The following TAMM41 variants were observed in gnomAD, a reference collection of about 807,000 sequenced individuals.
TAMM41 encodes the protein TAM41 mitochondrial translocator assembly and maintenance homolog.
Under a neutral mutation model 44.1 loss-of-function variants are expected in TAMM41, and 36 were observed. That is an observed-to-expected ratio of 0.82 (90% CI 0.63 to 1.08). The LOEUF (loss-of-function observed/expected upper bound fraction) is 1.08. TAMM41 is among the 50% of genes least tolerant of loss of function. The pLI is 0.00. For missense variants in TAMM41, 417 were observed against 404.3 expected (o/e 1.03, Z -0.27); for synonymous variants, 164 against 153.1 (o/e 1.07, Z -0.53).
rs929267149 is a variant in TAMM41, at chr3:11,801,201, G to A, written c.937+6632C>T. Among the ~76,000 whole-genome samples, 5 of 151,640 alleles carry A rather than the reference G, an allele frequency of 3.3e-5. No homozygotes were observed. In the East Asian group the frequency reaches 9.6e-4, roughly 29 times the overall value. Reference sequence around the variant, plus strand: ...ACAAATTTTAAAAAATCAAAATCAAGTATCTTCTCAGACAATAGTAGAATA... The same window carrying A: ...ACAAATTTTAAAAAATCAAAATCAAATATCTTCTCAGACAATAGTAGAATA... On this transcript the variant is annotated intron_variant, in intron 7 of 7. Transcript: ENST00000455809.
intron 7 of TAMM41, among the ~76,000 whole-genome samples, chr3:11,800,404 G>A (rs762491517): frequency 9.9e-5 from 15 of 151,916 alleles, no homozygotes; most frequent in Admixed American, 9.8e-4. Context: ...CCACCTATAT[G>A]CTACCTACAA....
chr3:11,725,379 TCC>T, the TAMM41 span, among the ~76,000 whole-genome samples: 1,796 of 143,398 alleles, frequency 0.013, 25 homozygotes, highest in Non-Finnish European at 0.017. Flanking sequence ...CTCCTCCTCT[TCC>T]TCCTCCTTCT....
chr3:11,809,851 G>A (rs1388456425), intron 5 of TAMM41, 169 bp from the exon 6 acceptor site: 2 of 607,522 alleles, frequency 3.3e-6, no homozygotes, highest in Non-Finnish European at 5.6e-6. Flanking sequence ...ATGGGTAAGT[G>A]TTCAGGAGTC....
chr3:11,840,973 TACTG>T (rs1000544445), intron 2 of TAMM41, among the ~76,000 whole-genome samples: 20 of 152,106 alleles, frequency 1.3e-4, no homozygotes, highest in East Asian at 3.9e-4. Flanking sequence ...TCTCTTTTGC[TACTG>T]ACTATTTCAA....
At chr3:11,757,935 C>T in the TAMM41 span, among the ~76,000 whole-genome samples, 3 of 152,132 alleles carry the variant, frequency 2.0e-5, no homozygotes, top group Non-Finnish European at 4.4e-5. Flanking sequence ...GGTAGGGGGA[C>T]ACTGAAGAAA....
chr3:11,790,650 C>T (rs1322929328), intron 7 of TAMM41, 69 bp from the exon 8 acceptor site: 2 of 1,362,236 alleles, frequency 1.5e-6, no homozygotes, highest in African/African-American at 2.9e-5. Context: ...GTTTCAGTGA[C>T]ATTCTGAGCA....
intron 3 of TAMM41, chr3:11,830,898 A>G (rs2125034508): frequency 6.7e-6 from 1 of 148,982 alleles, no homozygotes; most frequent in Non-Finnish European, 1.5e-5. Flanking sequence ...AAAAAAAAAT[A>G]CTAAGAGCTT....
chr3:11,789,076 T>C (rs746233404), downstream of TAMM41, among the ~76,000 whole-genome samples: 14 of 152,184 alleles, frequency 9.2e-5, no homozygotes, highest in Non-Finnish European at 1.9e-4. Context: ...ACCCTAGGTG[T>C]TCTACAGGGG....
At chr3:11,832,478 G>C (rs370393583) in intron 3 of TAMM41, among the ~76,000 whole-genome samples, 25 of 152,284 alleles carry the variant, frequency 1.6e-4, no homozygotes, top group African/African-American at 6.0e-4. Context: ...TTTTATATCA[G>C]AGACGTGAAT....
chr3:11,817,349 A>G lies in TAMM41; in HGVS notation c.563-12T>C, dbSNP rs1395952237. The G allele has an allele frequency of 6.2e-7, 1 of 1,602,984 alleles. No individual in the cohort carries two copies. The highest frequency in any genetic ancestry group is 1.3e-5 in the African/African-American group (1 of 74,756). ...CATCCGAAAGTCACCTAGTTAAAAC[A>G]AAGAGATAAACACATCTTCCATTAA... is the stretch of plus-strand genomic sequence containing the variant. On this transcript the variant is annotated splice_polypyrimidine_tract_variant and intron_variant, in intron 4 of 7. Transcript: ENST00000455809.
At chr3:11,771,676 A>G in the TAMM41 span, among the ~76,000 whole-genome samples, 1 of 151,280 alleles carries the variant, frequency 6.6e-6, no homozygotes, top group Non-Finnish European at 1.5e-5. Flanking sequence ...TCCGCCTCCC[A>G]GGTTCAAGCG....
intron 4 of TAMM41, among the ~76,000 whole-genome samples, chr3:11,826,434 T>G (rs1041060210): frequency 7.3e-6 from 1 of 136,634 alleles, no homozygotes; most frequent in Non-Finnish European, 1.5e-5. Context: ...GAGTCTGAGG[T>G]GGGAGGGTTG....
the TAMM41 span, among the ~76,000 whole-genome samples, chr3:11,749,985 C>A: frequency 1.3e-5 from 2 of 151,534 alleles, no homozygotes; most frequent in Non-Finnish European, 2.9e-5. Flanking sequence ...GCAAGCTCCA[C>A]CTCCCGGTTC....
the TAMM41 span, among the ~76,000 whole-genome samples, chr3:11,735,079 C>T: frequency 6.7e-6 from 1 of 149,120 alleles, no homozygotes; most frequent in South Asian, 2.1e-4. Context: ...GCAAATGTGA[C>T]TCAGGCATGG....
At chr3:11,743,316 G>C in the TAMM41 span, among the ~76,000 whole-genome samples, 5 of 149,026 alleles carry the variant, frequency 3.4e-5, no homozygotes, top group African/African-American at 1.2e-4. Context: ...TTTCAGAGAT[G>C]TAAACTACCT....
intron 3 of TAMM41, among the ~76,000 whole-genome samples, chr3:11,831,847 G>A (rs2125037552): frequency 6.6e-6 from 1 of 152,028 alleles, no homozygotes; most frequent in Non-Finnish European, 1.5e-5. Flanking sequence ...ATCATATATG[G>A]TAGGTAAGCC....
the TAMM41 span, among the ~76,000 whole-genome samples, chr3:11,758,375 G>A: frequency 2.6e-5 from 4 of 151,992 alleles, no homozygotes; most frequent in Non-Finnish European, 2.9e-5. Context: ...TTTTTGAGAC[G>A]GAGTCTCGCT....
At chr3:11,804,854 T>C (rs1182367011) in intron 7 of TAMM41, among the ~76,000 whole-genome samples, 1 of 150,340 alleles carries the variant, frequency 6.7e-6, no homozygotes, top group Non-Finnish European at 1.5e-5. Flanking sequence ...TTATACAATG[T>C]TTTTATTATT....
chr3:11,757,406 A>G, the TAMM41 span, among the ~76,000 whole-genome samples: 1 of 152,168 alleles, frequency 6.6e-6, no homozygotes, highest in East Asian at 1.9e-4. Context: ...TCCCCAGGAA[A>G]GCAGGGTAGC....
Sources: gnomAD v4.1 joint callset for allele counts (sites outside exome capture counted in the v4.1 genomes callset) on GRCh38, gnomAD v4.1.1 for gene constraint, MANE v1.5 for transcripts, NCBI Gene and HGNC (gene_info 2026-07-23, HGNC 2026-07-21) for gene names.